The following LHFPL3 variants were observed in gnomAD, a reference collection of about 807,000 sequenced individuals.
LHFPL3 encodes LHFPL tetraspan subfamily member 3, also known as LHFPL tetraspan subfamily member 3 protein.
Under a neutral mutation model 19.3 loss-of-function variants are expected in LHFPL3, and 5 were observed. That is an observed-to-expected ratio of 0.26 (90% CI 0.14 to 0.54). LHFPL3 has a LOEUF of 0.54. Among genes scored for constraint, LHFPL3 ranks in the 20% least tolerant of loss-of-function variants. LHFPL3 has a pLI of 0.94. For synonymous variants in LHFPL3, 133 were observed against 126.2 expected (o/e 1.05, Z -0.36); for missense variants, 249 against 307.4 (o/e 0.81, Z 1.42).
chr7:104,875,971 C>T (rs1159770739), intron 2 of LHFPL3, among the ~76,000 whole-genome samples: 2 of 152,164 alleles, frequency 1.3e-5, no homozygotes, highest in African/African-American at 4.8e-5. Context: ...ATGCCTGGCA[C>T]ACAGCATAAA....
chr7:104,803,061 C>T (rs1302656090), intron 2 of LHFPL3: 1 of 152,264 alleles, frequency 6.6e-6, no homozygotes, highest in Admixed American at 6.5e-5. Context: ...CCTCTGCCCT[C>T]TCTCACACAT....
chr7:104,417,310 G>A (rs1319382276), intron 1 of LHFPL3, among the ~76,000 whole-genome samples: 4 of 151,978 alleles, frequency 2.6e-5, no homozygotes, highest in Non-Finnish European at 4.4e-5. Flanking sequence ...TTTCAAAAGC[G>A]TTATCTCAGT....
chr7:104,428,786 A>G (rs1160635720), intron 1 of LHFPL3, among the ~76,000 whole-genome samples: 1 of 152,174 alleles, frequency 6.6e-6, no homozygotes, highest in Non-Finnish European at 1.5e-5. Flanking sequence ...TCTACATCCA[A>G]AAACCTAGAT....
chr7:104,642,127 T>G (rs1791848896), intron 1 of LHFPL3, among the ~76,000 whole-genome samples: 1 of 143,788 alleles, frequency 7.0e-6, no homozygotes, highest in Non-Finnish European at 1.5e-5. Context: ...AGCCTCTGCC[T>G]CCCAGGTTCA....
At chr7:104,405,643 C>G (rs1791398948) in intron 1 of LHFPL3, among the ~76,000 whole-genome samples, 2 of 152,296 alleles carry the variant, frequency 1.3e-5, no homozygotes, top group South Asian at 4.1e-4. Flanking sequence ...ATTCAGGATT[C>G]AAATTCAGAC....
intron 2 of LHFPL3, among the ~76,000 whole-genome samples, chr7:104,884,523 G>T (rs1034104298): frequency 3.9e-5 from 6 of 152,072 alleles, no homozygotes; most frequent in African/African-American, 1.4e-4. Flanking sequence ...TTTTACACGT[G>T]ATAAAGCTTG....
intron 1 of LHFPL3, among the ~76,000 whole-genome samples, chr7:104,450,902 T>C (rs1165160110): frequency 1.3e-5 from 2 of 152,232 alleles, no homozygotes; most frequent in Non-Finnish European, 2.9e-5. Flanking sequence ...GTGAGCTTTT[T>C]AGCGCTTTCG....
At chr7:104,583,075 G>A (rs374598751) in intron 1 of LHFPL3, among the ~76,000 whole-genome samples, 1 of 151,756 alleles carries the variant, frequency 6.6e-6, no homozygotes, top group Non-Finnish European at 1.5e-5. Flanking sequence ...TGCTGTTTTG[G>A]TTACTGTAAC....
At chr7:104,624,539 A>G (rs1022395548) in intron 1 of LHFPL3, among the ~76,000 whole-genome samples, 1 of 152,206 alleles carries the variant, frequency 6.6e-6, no homozygotes, top group Non-Finnish European at 1.5e-5. Context: ...GAACAGAAGG[A>G]CAAGGTCAGT....
intron 1 of LHFPL3, among the ~76,000 whole-genome samples, chr7:104,530,661 C>A (rs1392787105): frequency 1.3e-5 from 2 of 152,160 alleles, no homozygotes; most frequent in African/African-American, 2.4e-5. Context: ...TCACAGATGA[C>A]AACTGCAACA....
At chr7:104,510,745 G>A (rs1283108904) in intron 1 of LHFPL3, among the ~76,000 whole-genome samples, 1 of 152,140 alleles carries the variant, frequency 6.6e-6, no homozygotes, top group Non-Finnish European at 1.5e-5. Flanking sequence ...GAGAATTAAA[G>A]TATAAGCTAC....
At chr7:104,624,659 A>G (rs1274439521) in intron 1 of LHFPL3, among the ~76,000 whole-genome samples, 2 of 152,228 alleles carry the variant, frequency 1.3e-5, no homozygotes, top group African/African-American at 2.4e-5. Flanking sequence ...TTGAAGGAAT[A>G]GAGAGATGGA....
chr7:104,393,749 G>C (rs1240766255), intron 1 of LHFPL3, among the ~76,000 whole-genome samples: 1 of 152,028 alleles, frequency 6.6e-6, no homozygotes, highest in East Asian at 1.9e-4. Context: ...TTCATACAAA[G>C]AATATATTAT....
chr7:104,329,445 C>T (rs1314756701), intron 1 of LHFPL3, among the ~76,000 whole-genome samples: 3 of 152,242 alleles, frequency 2.0e-5, no homozygotes, highest in African/African-American at 7.2e-5. Context: ...TCGTGAGCCT[C>T]CCAAGTGTGG....
At chr7:104,637,335 CTT>C (rs2115875430) in intron 1 of LHFPL3, among the ~76,000 whole-genome samples, 1 of 152,166 alleles carries the variant, frequency 6.6e-6, no homozygotes, top group Admixed American at 6.6e-5. Context: ...ACAGTTGTCT[CTT>C]TACTCTTTTG....
intron 2 of LHFPL3, among the ~76,000 whole-genome samples, chr7:104,845,810 T>G (rs1791302687): frequency 6.6e-6 from 1 of 152,236 alleles, no homozygotes; most frequent in Non-Finnish European, 1.5e-5. Flanking sequence ...TGTGGGCATC[T>G]CTGTACAAAC....
At chr7:104,815,964 AC>A (rs1004832745) in intron 2 of LHFPL3, among the ~76,000 whole-genome samples, 1 of 151,788 alleles carries the variant, frequency 6.6e-6, no homozygotes, top group Non-Finnish European at 1.5e-5. Flanking sequence ...GACAGACCAA[AC>A]CCCTCCTTCC....
At chr7:104,413,764 A>G (rs1209479047) in intron 1 of LHFPL3, among the ~76,000 whole-genome samples, 3 of 152,192 alleles carry the variant, frequency 2.0e-5, no homozygotes, top group Non-Finnish European at 4.4e-5. Flanking sequence ...TACTCATAGA[A>G]ATACAATCTC....
At position 104,399,763 on chromosome 7, in the gene LHFPL3, C is replaced by T. The variant is rs1027104182; in HGVS notation, c.445+70539C>T. Among the ~76,000 whole-genome samples, 6 of 151,296 alleles carry T rather than the reference C, an allele frequency of 4.0e-5. No homozygotes were observed. Among genetic ancestry groups the T allele is most frequent in the South Asian group, 2.1e-4 (1 of 4,790 alleles). On this transcript the variant is annotated intron_variant, in intron 1 of 2. Transcript: ENST00000424859. The surrounding 1 kb of genome is among the most constrained non-coding windows in gnomAD (Gnocchi z 4.4). ...CTGGGATTACAGTTGTAAGCCACTG[C>T]GCCCGGCCATATGTTCTTCTGTCCT...
Sources: gnomAD v4.1 joint callset for allele counts (sites outside exome capture counted in the v4.1 genomes callset) on GRCh38, gnomAD v4.1.1 for gene constraint, Gnocchi (gnomAD v3.1) non-coding constraint, MANE v1.5 for transcripts, NCBI Gene and HGNC (gene_info 2026-07-23, HGNC 2026-07-21) for gene names.